Variants in BAZ1A observed in about 807,000 individuals in gnomAD.
BAZ1A encodes the protein bromodomain adjacent to zinc finger domain 1A, also known as bromodomain adjacent to zinc finger domain protein 1A.
Under a neutral mutation model 185.2 loss-of-function variants are expected in BAZ1A, and 50 were observed. The observed-to-expected ratio is 0.27, with a 90% CI of 0.22 to 0.34. BAZ1A has a LOEUF of 0.34. BAZ1A is among the 10% of genes least tolerant of loss of function. The pLI is 1.00. For missense variants in BAZ1A, 1,356 were observed against 1,839.9 expected (o/e 0.74, Z 4.81); for synonymous variants, 571 against 615.6 (o/e 0.93, Z 1.07).
chr14:34,840,952 A>G lies in BAZ1A; in HGVS notation c.393-14796T>C, dbSNP rs558343386. On this transcript the variant is annotated intron_variant, in intron 3 of 26. Transcript: ENST00000360310. ...GGGTACATTTATAACAACAAAATCAATATTTTTTTTTTTGAGATGGAGTTT... is the reference window on the plus strand; with the variant it reads ...GGGTACATTTATAACAACAAAATCAGTATTTTTTTTTTTGAGATGGAGTTT... Among the ~76,000 whole-genome samples, 10 of 97,678 alleles carry G rather than the reference A, an allele frequency of 1.0e-4. No individual in the cohort carries two copies. The East Asian group carries it at 2.3e-3, about 22-fold the overall frequency. 64.1% of individuals were successfully genotyped at this position (97,678 alleles called of 152,430 possible). A position where few individuals can be genotyped will look rare whatever the true frequency, so the allele number is the denominator to read the frequency against.
chr14:34,757,803 A>G (rs1355810798), intron 25 of BAZ1A, among the ~76,000 whole-genome samples: 13 of 150,002 alleles, frequency 8.7e-5, no homozygotes, highest in Non-Finnish European at 1.9e-4. Context: ...GTGGACTGCA[A>G]TGGCGCGATC....
In BAZ1A at chr14:34,874,807, C is replaced by T. The variant is rs2043016850; in HGVS notation, c.-58-145G>A. On this transcript the variant is annotated intron_variant, in intron 1 of 26. Transcript: ENST00000360310. This position sits in a 1 kb window ranked among gnomAD's most constrained non-coding sequence, Gnocchi z 4.7. ...GCTACCGGAGCCGAGTTCGTTCCTG[C>T]CGCTGCCCGGGTGTCGAGCGAGCGG... The T allele has an allele frequency of 2.4e-5, 12 of 500,658 alleles. No homozygotes were observed. The highest frequency in any genetic ancestry group is 2.4e-4 in the South Asian group (9 of 38,164). The allele number at this position is 500,658 out of a possible 1,614,324, so 31.0% of individuals were successfully genotyped here. A position where few individuals can be genotyped will look rare whatever the true frequency, so the allele number is the denominator to read the frequency against.
At chr14:34,817,508 C>T (rs1482366424) in intron 4 of BAZ1A, among the ~76,000 whole-genome samples, 2 of 152,160 alleles carry the variant, frequency 1.3e-5, no homozygotes, top group Admixed American at 6.5e-5. Flanking sequence ...GAATCTCTTG[C>T]GCCTGGGAGG....
Position 34,786,004 on chromosome 14 carries a change from A to G in BAZ1A, c.1607-3T>C. 1.9e-6 allele frequency: 3 copies of G among 1,611,688 alleles called. No individual in the cohort carries two copies. Among genetic ancestry groups the G allele is most frequent in the Non-Finnish European group, 2.5e-6 (3 of 1,178,532 alleles). On this transcript the variant is annotated splice_polypyrimidine_tract_variant and splice_region_variant and intron_variant, in intron 13 of 26. Transcript: ENST00000360310. ...ATCCAAACTTTTCAAACTGCAGCCT[A>G]TAGTTGTTAAAAATGAAATAGTCAT...
intron 4 of BAZ1A, among the ~76,000 whole-genome samples, chr14:34,820,091 G>C (rs2042063590): frequency 7.0e-6 from 1 of 142,880 alleles, no homozygotes; most frequent in South Asian, 2.2e-4. Context: ...TATCTGTTCA[G>C]ATCTTTTGCC....
In BAZ1A at chr14:34,827,627, C is replaced by T. The variant is rs530439404; in HGVS notation, c.393-1471G>A. The stretch of plus-strand genomic sequence containing the variant: ...GCGGGTGCCTGTAGTCCCAGCTACT[C>T]GGGAGGCTGGGGCAGGAGAATGGCG... On this transcript the variant is annotated intron_variant, in intron 3 of 26. Transcript: ENST00000360310. Among the ~76,000 whole-genome samples the T allele has an allele frequency of 6.5e-4, 98 of 151,146 alleles. No individual in the cohort carries two copies. The South Asian group carries it at 7.9e-3, about 12-fold the overall frequency.
chr14:34,835,642 A>C (rs145631663), intron 3 of BAZ1A, among the ~76,000 whole-genome samples: 2 of 151,712 alleles, frequency 1.3e-5, no homozygotes, highest in Admixed American at 1.3e-4. Context: ...ATTAGTCATA[A>C]ATCTGTAATA....
chr14:34,854,679 G>A (rs2042647876), intron 3 of BAZ1A, among the ~76,000 whole-genome samples: 2 of 152,110 alleles, frequency 1.3e-5, no homozygotes, highest in Non-Finnish European at 1.5e-5. Flanking sequence ...GATGTCATTT[G>A]TCCAACAAAG....
At chr14:34,861,379 C>G (rs1229585740) in intron 3 of BAZ1A, among the ~76,000 whole-genome samples, 1 of 152,086 alleles carries the variant, frequency 6.6e-6, no homozygotes, top group Non-Finnish European at 1.5e-5. Context: ...TTCTGAAGAG[C>G]TCGGTGAAAG....
At chr14:34,805,131 G>A (rs28489895) in intron 6 of BAZ1A, among the ~76,000 whole-genome samples, 1,797 of 152,308 alleles carry the variant, frequency 0.012, 39 homozygotes, top group African/African-American at 0.04. Flanking sequence ...TTTCCGCCAT[G>A]ATTGTAGGTT....
At chr14:34,837,588 A>C (rs2042349929) in intron 3 of BAZ1A, among the ~76,000 whole-genome samples, 1 of 152,070 alleles carries the variant, frequency 6.6e-6, no homozygotes. Flanking sequence ...ATGGCTTAAA[A>C]CCTACATATT....
At chr14:34,824,376 TAAAAA>T (rs59459941) in intron 4 of BAZ1A, among the ~76,000 whole-genome samples, 1 of 27,700 alleles carries the variant, frequency 3.6e-5, no homozygotes, top group African/African-American at 1.8e-4. Context: ...TCCATCTCTT[TAAAAA>T]AAAAAAAAAA....
chr14:34,775,428 C>T lies in BAZ1A; in HGVS notation c.2833+491G>A, dbSNP rs560192832. On this transcript the variant is annotated intron_variant, in intron 18 of 26. Coordinates refer to ENST00000360310, the MANE Select transcript of BAZ1A (RefSeq NM_013448.3). The stretch of plus-strand genomic sequence containing the variant: ...TATAAAAACTCACATCTAAAAATGC[C>T]TTACTGCTTTTTCTTATTTGTCATC... Among the ~76,000 whole-genome samples, 3 of 152,236 alleles carry T rather than the reference C, an allele frequency of 2.0e-5. No individual in the cohort carries two copies. The East Asian group carries it at 5.8e-4, about 29-fold the overall frequency.
In BAZ1A at chr14:34,764,852, A is replaced by C. The variant is rs756405217; in HGVS notation, c.3631T>G (p.Ser1211Ala). The C allele has an allele frequency of 1.9e-6, 3 of 1,613,978 alleles. No homozygotes were observed. The African/African-American group carries it at 4.0e-5, about 22-fold the overall frequency. Residue 1211 changes from serine (S) to alanine (A), a missense_variant, in exon 23 of 27, where the codon TCC (serine) becomes GCC (alanine). Around this residue, in one of 7 missense-constraint regions of BAZ1A, gnomAD observed 309 missense variants for 355.3 expected, o/e 0.87. Coordinates refer to ENST00000360310, the MANE Select transcript of BAZ1A (RefSeq NM_013448.3). ...SRRLSSRQRP[S>A]LESDEDVEDS... Reference sequence around the variant, plus strand: ...TCCACATCTTCATCACTTTCCAAGGATGGTCTCTGTCTAGAGGAGAGTCTT... The same window carrying C: ...TCCACATCTTCATCACTTTCCAAGGCTGGTCTCTGTCTAGAGGAGAGTCTT...
chr14:34,759,578 A>C (rs961339244), intron 24 of BAZ1A, among the ~76,000 whole-genome samples: 8 of 152,206 alleles, frequency 5.3e-5, no homozygotes, highest in African/African-American at 1.7e-4. Flanking sequence ...ACCTCCTCAG[A>C]TCTAGAAACT....
chr14:34,792,787 C>G lies in BAZ1A; in HGVS notation c.1498G>C (p.Ala500Pro). ...EEVAKEQLTD[A>P]DTKDLTEALD... ...GTTGAACTCTGACCTTTGGTGTCAG[C>G]ATCAGTTAGTTGCTCTTTGGCTACT... The change falls in exon 12 of 27, where the codon GCT (alanine) becomes CCT (proline). Residue 500 changes from alanine to proline, a missense_variant. Ala to Pro is a conservative substitution (Grantham distance 27). Transcript: ENST00000360310. 6.2e-7 allele frequency: 1 copy of G among 1,613,870 alleles called. No individual in the cohort carries two copies. Among genetic ancestry groups the G allele is most frequent in the Non-Finnish European group, 8.5e-7 (1 of 1,179,962 alleles).
intron 3 of BAZ1A, among the ~76,000 whole-genome samples, chr14:34,859,273 AAAAT>A (rs1375307486): frequency 1.3e-5 from 2 of 152,042 alleles, no homozygotes; most frequent in East Asian, 1.9e-4. Flanking sequence ...AAAAGTTAAA[AAAAT>A]AAATAAATCA....
chr14:34,858,543 G>A (rs1416565317), intron 3 of BAZ1A, among the ~76,000 whole-genome samples: 1 of 152,082 alleles, frequency 6.6e-6, no homozygotes. Flanking sequence ...TCGAACTCCT[G>A]ACCTCAGGTG....
intron 24 of BAZ1A, among the ~76,000 whole-genome samples, chr14:34,759,184 T>TTTTTTTTG (rs1886409665): frequency 9.3e-6 from 1 of 108,028 alleles, no homozygotes; most frequent in African/African-American, 3.9e-5. Flanking sequence ...TTTTTTTTTT[T>TTTTTTTTG]TTTTTTTTTT....
Sources: gnomAD v4.1 joint callset for allele counts (sites outside exome capture counted in the v4.1 genomes callset) on GRCh38, gnomAD v4.1.1 for gene constraint, gnomAD v4.1.1 regional missense constraint, Gnocchi (gnomAD v3.1) non-coding constraint, MANE v1.5 for transcripts, NCBI Gene and HGNC (gene_info 2026-07-23, HGNC 2026-07-21) for gene names.